Variants in RFWD3 observed in about 807,000 individuals in gnomAD.
The protein encoded by RFWD3 is ring finger and WD repeat domain 3, also known as E3 ubiquitin-protein ligase RFWD3.
A neutral mutation model predicts 87.7 loss-of-function variants in RFWD3; 65 were observed. The observed-to-expected ratio is 0.74, with a 90% confidence interval of 0.61 to 0.91. The LOEUF is 0.91. Among genes scored for constraint, RFWD3 ranks in the 40% least tolerant of loss-of-function variants. RFWD3 has a pLI of 0.00. For synonymous variants in RFWD3, 433 were observed against 352.8 expected, an observed-to-expected ratio of 1.23 and a Z score of -2.55; for missense variants, 1,078 against 938.5, an observed-to-expected ratio of 1.15 and a Z score of -1.94.
chr16:74,644,103 G>A (rs1048785259), intron 6 of RFWD3: 6 of 533,620 alleles, frequency 1.1e-5, no homozygotes, highest in African/African-American at 5.7e-5. Context: ...GATATGAGAA[G>A]CAAAAATGGC....
chr16:74,662,771 G>C (rs1360734598), intron 1 of RFWD3, among the ~76,000 whole-genome samples: 2 of 152,224 alleles, frequency 1.3e-5, no homozygotes, highest in Admixed American at 1.3e-4. Context: ...AGGGGTGCAA[G>C]AGCATAAGCT....
intron 2 of RFWD3, among the ~76,000 whole-genome samples, chr16:74,659,898 T>C (rs1281816190): frequency 6.6e-6 from 1 of 152,118 alleles, no homozygotes; most frequent in East Asian, 1.9e-4. Context: ...TTCACAGTGT[T>C]AGAAAACATC....
rs191155100 is a variant in RFWD3 at position 74,637,976 on chromosome 16, G to C, written c.1080-6C>G. The C allele has an allele frequency of 1.1e-5, 17 of 1,599,970 alleles. No individual in the cohort carries two copies. The Admixed American group carries it at 1.3e-4, about 13-fold the overall frequency. ...TCTGTTCCTTCAGTAGGGAACTAGAGGGGGAAAGCCAGCAACAAGTGGGGA... is the reference window on the plus strand; with the variant it reads ...TCTGTTCCTTCAGTAGGGAACTAGACGGGGAAAGCCAGCAACAAGTGGGGA... On this transcript the variant is annotated splice_polypyrimidine_tract_variant and splice_region_variant and intron_variant, in intron 6 of 12. Transcript: ENST00000361070.
rs529546597 is a variant in RFWD3, at chr16:74,660,641, T to C, written c.518+291A>G. 5.4e-4 allele frequency: 159 copies of C among 293,202 alleles called. 1 individual carries two copies. Among genetic ancestry groups the C allele is most frequent in the African/African-American group, 3.0e-3 (137 of 46,164 alleles). 18.2% of individuals were successfully genotyped at this position (293,202 alleles called of 1,614,324 possible). ...ATAATGAATTTGGGTGAGTAGAGACTTGCAAGTGAAGAAAGAATTTTTGGT... is the reference window on the plus strand; with the variant it reads ...ATAATGAATTTGGGTGAGTAGAGACCTGCAAGTGAAGAAAGAATTTTTGGT... On this transcript the variant is annotated intron_variant, in intron 2 of 12. Coordinates refer to ENST00000361070, the MANE Select transcript of RFWD3 (RefSeq NM_018124.4).
At chr16:74,632,451 A>T in intron 9 of RFWD3, 72 bp downstream of exon 9, 1 of 1,520,086 alleles carries the variant, frequency 6.6e-7, no homozygotes. Context: ...AGGTCATCAT[A>T]ACACCGATAC....
chr16:74,634,429 T>C (rs932263829), intron 8 of RFWD3, among the ~76,000 whole-genome samples: 4 of 152,072 alleles, frequency 2.6e-5, no homozygotes, highest in Non-Finnish European at 2.9e-5. Context: ...CTGTCACCCA[T>C]GCTAAGGTGC....
At chr16:74,630,728 A>G in intron 10 of RFWD3, 53 bp downstream of exon 10, 1 of 1,488,406 alleles carries the variant, frequency 6.7e-7, no homozygotes, top group Non-Finnish European at 9.0e-7. Flanking sequence ...TTAACACAAT[A>G]ATAAGCCAAG....
intron 1 of RFWD3, among the ~76,000 whole-genome samples, chr16:74,662,342 T>C (rs1456335262): frequency 6.6e-6 from 1 of 152,134 alleles, no homozygotes; most frequent in Non-Finnish European, 1.5e-5. Context: ...TTTATTTTCA[T>C]CTGACTTATG....
chr16:74,660,072 AAAC>A (rs928270914), intron 2 of RFWD3, among the ~76,000 whole-genome samples: 19 of 152,270 alleles, frequency 1.2e-4, no homozygotes, highest in South Asian at 6.2e-4. Context: ...ACAATAATAA[AAAC>A]AAGAAGAAAG....
At chr16:74,631,018 G>T in intron 9 of RFWD3, 61 bp from the exon 10 acceptor site, 1 of 1,392,176 alleles carries the variant, frequency 7.2e-7, no homozygotes. Flanking sequence ...TGACAAAGAT[G>T]TAAAGATTAT....
chr16:74,644,249 C>G, intron 6 of RFWD3, 113 bp downstream of exon 6: 2 of 953,860 alleles, frequency 2.1e-6, no homozygotes, highest in Non-Finnish European at 3.4e-6. Flanking sequence ...CCAGAGATCC[C>G]AAGTCACAGG....
At chr16:74,639,997 T>C (rs1443468292) in intron 6 of RFWD3, among the ~76,000 whole-genome samples, 3 of 152,192 alleles carry the variant, frequency 2.0e-5, no homozygotes, top group Non-Finnish European at 4.4e-5. Flanking sequence ...TGTTAATCTC[T>C]TACTGTTCCT....
chr16:74,624,283 A>G (rs775879641), intron 12 of RFWD3, among the ~76,000 whole-genome samples: 9 of 152,198 alleles, frequency 5.9e-5, no homozygotes, highest in African/African-American at 9.6e-5. Context: ...CAATTAGTCT[A>G]CCTGTAAGTG....
At chr16:74,653,820 TGA>T (rs1960757314) in intron 2 of RFWD3, among the ~76,000 whole-genome samples, 1 of 152,216 alleles carries the variant, frequency 6.6e-6, no homozygotes, top group Non-Finnish European at 1.5e-5. Flanking sequence ...AATTTATTGA[TGA>T]ATTAGGGCTT....
intron 2 of RFWD3, among the ~76,000 whole-genome samples, chr16:74,653,072 C>G (rs1428823318): frequency 6.6e-6 from 1 of 152,176 alleles, no homozygotes; most frequent in Non-Finnish European, 1.5e-5. Flanking sequence ...GCTGCGATGA[C>G]TCATGTCTGT....
chr16:74,625,549 T>C (rs918126655), intron 12 of RFWD3, among the ~76,000 whole-genome samples: 1 of 150,932 alleles, frequency 6.6e-6, no homozygotes, highest in Non-Finnish European at 1.5e-5. Flanking sequence ...GCGCAATGGC[T>C]CACGCCTATA....
chr16:74,644,118 G>C (rs1434686603), intron 6 of RFWD3: 1 of 558,310 alleles, frequency 1.8e-6, no homozygotes, highest in Admixed American at 3.0e-5. Flanking sequence ...AATGGCAACA[G>C]AAGTAATGTG....
chr16:74,625,947 A>T (rs911184873), intron 12 of RFWD3, among the ~76,000 whole-genome samples: 3 of 152,176 alleles, frequency 2.0e-5, no homozygotes, highest in Non-Finnish European at 2.9e-5. Context: ...GCACTTTGGG[A>T]GGCCAAGGCC....
chr16:74,644,079 G>T (rs550193544), intron 6 of RFWD3: 12 of 469,316 alleles, frequency 2.6e-5, no homozygotes, highest in African/African-American at 3.9e-5. Context: ...CTGCTGTGGC[G>T]GGGGGTGGTC....
Sources: allele counts gnomAD v4.1 joint callset (sites outside exome capture counted in the v4.1 genomes callset), GRCh38; gene constraint gnomAD v4.1.1; transcripts MANE v1.5; gene names NCBI Gene and HGNC (gene_info 2026-07-23, HGNC 2026-07-21).